The following WDPCP variants were observed in gnomAD, a reference collection of about 807,000 sequenced individuals.
The protein encoded by WDPCP is WD repeat-containing and planar cell polarity effector protein fritz homolog.
In WDPCP, 71 loss-of-function variants were observed where a neutral mutation model predicts 93.1. That is an observed-to-expected ratio of 0.76 (90% confidence interval 0.63 to 0.93). WDPCP has a LOEUF of 0.93. Ranked by LOEUF, WDPCP falls within the 40% of genes least tolerant of loss-of-function variation. The probability of loss-of-function intolerance (pLI) is 0.00; values close to 1 mark genes in which losing one functional copy is unlikely to be tolerated. For missense variants in WDPCP, 844 were observed against 887.4 expected, an observed-to-expected ratio of 0.95 and a Z score of 0.62; for synonymous variants, 315 against 315.0, an observed-to-expected ratio of 1.00 and a Z score of 0.00.
chr2:63,181,894 C>A (rs974648044), intron 14 of WDPCP, among the ~76,000 whole-genome samples: 1 of 151,478 alleles, frequency 6.6e-6, no homozygotes, highest in Non-Finnish European at 1.5e-5. Flanking sequence ...AGATCTTTCA[C>A]CCCCTTGTTT....
At chr2:63,243,937 A>G (rs552066905) in intron 14 of WDPCP, among the ~76,000 whole-genome samples, 22 of 152,204 alleles carry the variant, frequency 1.4e-4, no homozygotes, top group African/African-American at 3.9e-4. Flanking sequence ...TGCACACACA[A>G]CATATTCTAG....
At chr2:63,761,822 T>C in intron 2 of WDPCP, among the ~76,000 whole-genome samples, 1 of 152,216 alleles carries the variant, frequency 6.6e-6, no homozygotes, top group African/African-American at 2.4e-5. Flanking sequence ...ATCAATACTT[T>C]GTATCCTTCA....
At chr2:63,610,686 A>G (rs1206103065) in intron 3 of WDPCP, among the ~76,000 whole-genome samples, 1 of 152,186 alleles carries the variant, frequency 6.6e-6, no homozygotes, top group Admixed American at 6.5e-5. Context: ...ATGCATAACC[A>G]AAGTATGTAT....
At chr2:63,292,370 T>TA (rs58792171) in intron 13 of WDPCP, among the ~76,000 whole-genome samples, 117,294 of 149,946 alleles carry the variant, frequency 0.78, 46,390 homozygotes, top group East Asian at 0.96. Flanking sequence ...CAGTTTTATT[T>TA]AAAAAAAAAA....
intron 3 of WDPCP, among the ~76,000 whole-genome samples, chr2:63,637,334 A>G (rs1709930850): frequency 6.6e-6 from 1 of 151,710 alleles, no homozygotes; most frequent in South Asian, 2.1e-4. Flanking sequence ...CCTAGGTGAC[A>G]GAGAAAGACT....
intron 1 of WDPCP, among the ~76,000 whole-genome samples, chr2:63,519,851 C>G (rs1702804517): frequency 6.6e-6 from 1 of 152,184 alleles, no homozygotes; most frequent in Non-Finnish European, 1.5e-5. Context: ...AATCATCATA[C>G]TAGTTCCCCA....
intron 1 of WDPCP, among the ~76,000 whole-genome samples, chr2:63,578,658 C>T (rs1708277110): frequency 2.0e-5 from 3 of 152,112 alleles, no homozygotes; most frequent in Admixed American, 2.0e-4. Flanking sequence ...GCCAATCTAC[C>T]TCTGTCTCTC....
chr2:63,136,294 T>G (rs1670613818), intron 17 of WDPCP, among the ~76,000 whole-genome samples: 2 of 152,142 alleles, frequency 1.3e-5, no homozygotes, highest in African/African-American at 4.8e-5. Flanking sequence ...TTAAAAATAG[T>G]TCATTGCTTA....
At chr2:63,200,487 C>T (rs1230014802) in intron 14 of WDPCP, among the ~76,000 whole-genome samples, 2 of 152,112 alleles carry the variant, frequency 1.3e-5, no homozygotes, top group Non-Finnish European at 2.9e-5. Context: ...GGTATATATA[C>T]ACAATGGTAT....
At chr2:63,233,402 G>A (rs1397751471) in intron 14 of WDPCP, 2 of 219,830 alleles carry the variant, frequency 9.1e-6, no homozygotes, top group Admixed American at 8.7e-5. Context: ...GTTCAAGAGT[G>A]GGACCAACTC....
chr2:63,646,182 T>C (rs560025797), intron 3 of WDPCP, among the ~76,000 whole-genome samples: 1 of 152,270 alleles, frequency 6.6e-6, no homozygotes, highest in South Asian at 2.1e-4. Flanking sequence ...TGGTTTTTGG[T>C]TGGAGGTTAC....
At chr2:63,644,317 T>TC (rs939837989) in intron 3 of WDPCP, among the ~76,000 whole-genome samples, 31 of 145,414 alleles carry the variant, frequency 2.1e-4, no homozygotes, top group Non-Finnish European at 4.3e-4. Context: ...CAATCTCAGC[T>TC]CATTGCAACC....
upstream of WDPCP, chr2:63,589,812 T>A: frequency 4.3e-6 from 1 of 233,178 alleles, no homozygotes; most frequent in Non-Finnish European, 8.7e-6. Flanking sequence ...GTGAAGGAAC[T>A]CTGGCGTAGG....
chr2:63,551,097 C>A (rs1354950710), intron 1 of WDPCP, among the ~76,000 whole-genome samples: 1 of 152,182 alleles, frequency 6.6e-6, no homozygotes, highest in Non-Finnish European at 1.5e-5. Flanking sequence ...TGATCTAAAT[C>A]TCTTCTCTGA....
intron 14 of WDPCP, among the ~76,000 whole-genome samples, chr2:63,222,141 A>G (rs1412246144): frequency 6.6e-6 from 1 of 152,184 alleles, no homozygotes; most frequent in African/African-American, 2.4e-5. Flanking sequence ...GAGAGAAAGC[A>G]GTTTCATCTC....
rs746640000 is a variant in WDPCP at position 63,404,090 on chromosome 2, T to C, written c.1393A>G (p.Arg465Gly). ...ACACCCAAAGGTCCTCTTTCAAACC[T>C]GAGGAAGAGGAGATCATAGATATCA... is the stretch of plus-strand genomic sequence containing the variant. ...GSDIYDLLFL[R>G]FERGPLGVLL... The change falls in exon 10 of 18, where the codon AGG becomes GGG. Residue 465 changes from arginine to glycine, a missense_variant. Coordinates refer to ENST00000272321, the MANE Select transcript of WDPCP (RefSeq NM_015910.7). 1.2e-6 allele frequency: 2 copies of C among 1,614,010 alleles called. No individual in the cohort carries two copies. The highest frequency in any genetic ancestry group is 1.7e-6 in the Non-Finnish European group (2 of 1,180,010).
At chr2:63,802,226 AC>A (rs1396784314) in intron 2 of WDPCP, among the ~76,000 whole-genome samples, 1 of 133,496 alleles carries the variant, frequency 7.5e-6, no homozygotes, top group Non-Finnish European at 1.6e-5. Flanking sequence ...TGGGCAGATC[AC>A]TTGCATCCAG....
intron 1 of WDPCP, among the ~76,000 whole-genome samples, chr2:63,514,232 A>T (rs931844439): frequency 2.6e-5 from 4 of 152,120 alleles, no homozygotes; most frequent in Admixed American, 6.5e-5. Context: ...GGCCTTTTAT[A>T]CTATATATAT....
the WDPCP span, among the ~76,000 whole-genome samples, chr2:63,840,234 G>A: frequency 1.3e-5 from 2 of 152,238 alleles, no homozygotes; most frequent in Non-Finnish European, 2.9e-5. Context: ...AGGTGGGGTT[G>A]ACGGTACCAG....
Sources: gnomAD v4.1 joint callset for allele counts (sites outside exome capture counted in the v4.1 genomes callset) on GRCh38, gnomAD v4.1.1 for gene constraint, MANE v1.5 for transcripts, NCBI Gene and HGNC (gene_info 2026-07-23, HGNC 2026-07-21) for gene names.